AFAP1L2: variants seen among roughly 807,000 people sequenced by gnomAD.
AFAP1L2 encodes the protein actin filament associated protein 1 like 2.
In AFAP1L2, 46 loss-of-function variants were observed where a neutral mutation model predicts 99.3. The ratio of observed to expected loss-of-function variants is 0.46; its 90% CI spans 0.37 to 0.59. AFAP1L2 has a LOEUF of 0.59. Ranked by LOEUF, AFAP1L2 falls within the 20% of genes least tolerant of loss-of-function variation. The pLI is 0.00. For synonymous variants in AFAP1L2, 397 were observed against 419.1 expected (o/e 0.95, Z 0.64); for missense variants, 959 against 1,034.9 (o/e 0.93, Z 1.01).
intron 1 of AFAP1L2, among the ~76,000 whole-genome samples, chr10:114,396,393 T>C (rs1445501784): frequency 2.6e-5 from 4 of 152,254 alleles, no homozygotes; most frequent in African/African-American, 9.6e-5. Context: ...TCTTGGGGAC[T>C]TCCACATCCT....
In AFAP1L2 at chr10:114,294,919, A is replaced by AAAAG. The variant is rs1426420040; in HGVS notation, c.*1119_*1122dup. 4 of 984,448 alleles carry AAAAG rather than the reference A, an allele frequency of 4.1e-6. No homozygotes were observed. Among genetic ancestry groups the AAAAG allele is most frequent in the African/African-American group, 1.7e-5 (1 of 57,274 alleles). The allele number at this position is 984,448 out of a possible 1,614,324, so 61.0% of individuals were successfully genotyped here. A position where few individuals can be genotyped will look rare whatever the true frequency, so the allele number is the denominator to read the frequency against. On this transcript the variant is annotated 3_prime_UTR_variant, in exon 19 of 19. Transcript: ENST00000304129. ...TTTATGAGAGAGGAAATAAGAATAA[A>AAAAG]AAAGACATTTAGTTCTCAGGAACAA...
chr10:114,376,309 T>A (rs183048906), intron 1 of AFAP1L2, among the ~76,000 whole-genome samples: 83 of 152,314 alleles, frequency 5.4e-4, no homozygotes, highest in African/African-American at 2.0e-3. Context: ...GGAAGTGGAA[T>A]AGGGGTGACA....
At chr10:114,291,274 C>T (rs1054517005), downstream of AFAP1L2, 6 of 1,543,084 alleles carry the variant, frequency 3.9e-6, no homozygotes, top group Middle Eastern at 1.7e-4. Context: ...AGCAGCCGTA[C>T]CCCTCCCAGC....
At chr10:114,382,330 T>C (rs1003962775) in intron 1 of AFAP1L2, among the ~76,000 whole-genome samples, 1 of 151,762 alleles carries the variant, frequency 6.6e-6, no homozygotes. Flanking sequence ...AGCATATCTA[T>C]CAGGAATGAG....
chr10:114,304,729 G>A lies in AFAP1L2; in HGVS notation c.1274C>T (p.Ala425Val), dbSNP rs757026979. ...GCAGGCCGGCGGTACCTCAAGCTTG[G>A]CCAGCTCCTCGCCCTTGTGGAGGAT... ...FRILHKGEEL[A>V]KLEAKSSEEM... Residue 425 changes from alanine to valine, a missense_variant, in exon 11 of 19, where the codon GCC becomes GTC. This residue lies in a region of AFAP1L2 where 576 missense variants were observed against 562.1 expected (regional missense o/e 1.02). Transcript: ENST00000304129. 3.7e-6 allele frequency: 6 copies of A among 1,604,914 alleles called. No homozygotes were observed. In the South Asian group the frequency reaches 5.5e-5, roughly 15 times the overall value.
At chr10:114,383,720 A>C (rs1281995610) in intron 1 of AFAP1L2, among the ~76,000 whole-genome samples, 1 of 152,198 alleles carries the variant, frequency 6.6e-6, no homozygotes, top group Non-Finnish European at 1.5e-5. Flanking sequence ...GAAGAGGAGA[A>C]AGGAAAACTA....
At chr10:114,398,835 A>T (rs1315039680) in intron 1 of AFAP1L2, 4 of 1,304,320 alleles carry the variant, frequency 3.1e-6, no homozygotes, top group Non-Finnish European at 4.0e-6. Flanking sequence ...GAGGGCACAG[A>T]CAGGCTCATA....
chr10:114,311,960 A>G (rs2043311418), intron 7 of AFAP1L2, among the ~76,000 whole-genome samples: 1 of 152,204 alleles, frequency 6.6e-6, no homozygotes, highest in Admixed American at 6.5e-5. Context: ...GCCAAAGCGC[A>G]AGAGTGGGCG....
At chr10:114,323,139 C>T (rs367767835) in intron 5 of AFAP1L2, 32 bp downstream of exon 5, 125 of 1,551,988 alleles carry the variant, frequency 8.1e-5, no homozygotes, top group Non-Finnish European at 1.1e-4. Flanking sequence ...AGCAGTAAGT[C>T]ACCCTCCCAA....
At position 114,369,594 on chromosome 10, in the gene AFAP1L2, C is replaced by CAA. The variant is rs34904418; in HGVS notation, c.17-28865_17-28864dup. 3.5e-3 allele frequency among the ~76,000 whole-genome samples: 257 copies of CAA among 74,476 alleles called. 6 individuals are homozygous for CAA. Among genetic ancestry groups the CAA allele is most frequent in the African/African-American group, 0.012 (223 of 18,350 alleles). 48.9% of individuals were successfully genotyped at this position (74,476 alleles called of 152,430 possible). A position where few individuals can be genotyped will look rare whatever the true frequency, so the allele number is the denominator to read the frequency against. ...TGGGCCACAGAGCGAGACTCCGACT[C>CAA]AAAAAAAAAAAAAAAAAAAAACTTT... On this transcript the variant is annotated intron_variant, in intron 1 of 18. Transcript: ENST00000304129.
intron 13 of AFAP1L2, 144 bp from the exon 14 acceptor site, chr10:114,300,834 T>C: frequency 8.7e-7 from 1 of 1,149,888 alleles, no homozygotes; most frequent in Non-Finnish European, 1.2e-6. Flanking sequence ...GGCCACTGGC[T>C]GAGTCCTAGA....
chr10:114,364,378 G>T (rs962486026), intron 1 of AFAP1L2, among the ~76,000 whole-genome samples: 1 of 152,158 alleles, frequency 6.6e-6, no homozygotes, highest in African/African-American at 2.4e-5. Context: ...AGGTTGACAG[G>T]GTCCCACTCC....
At chr10:114,402,855 A>G (rs1391355442) in intron 1 of AFAP1L2, among the ~76,000 whole-genome samples, 1 of 151,926 alleles carries the variant, frequency 6.6e-6, no homozygotes. Flanking sequence ...CCCCACCCCC[A>G]TACACACACC....
intron 1 of AFAP1L2, among the ~76,000 whole-genome samples, chr10:114,394,290 G>T (rs768708369): frequency 2.0e-5 from 3 of 152,176 alleles, no homozygotes; most frequent in Admixed American, 6.5e-5. Flanking sequence ...TTCCATTGAG[G>T]CCTGCACTTC....
At position 114,338,950 on chromosome 10, in the gene AFAP1L2, A is replaced by G. The variant is rs146145440; in HGVS notation, c.145+1653T>C. Among the ~76,000 whole-genome samples, 100 of 152,346 alleles carry G rather than the reference A, an allele frequency of 6.6e-4. 3 individuals carry two copies. The East Asian group carries it at 0.019, about 29-fold the overall frequency. ...GTTCTGTAATTTACAAAGTCTTCCA[A>G]CTATGTTTTCCCTTGGGTTGTATAA... is the stretch of plus-strand genomic sequence containing the variant. On this transcript the variant is annotated intron_variant, in intron 2 of 18. Coordinates refer to ENST00000304129, the MANE Select transcript of AFAP1L2 (RefSeq NM_001001936.3).
chr10:114,376,931 G>A (rs1426431046), intron 1 of AFAP1L2, among the ~76,000 whole-genome samples: 4 of 152,164 alleles, frequency 2.6e-5, no homozygotes, highest in African/African-American at 9.7e-5. Flanking sequence ...CATGAGCTAG[G>A]AGGGATAGGA....
At chr10:114,389,280 T>A (rs2056864692) in intron 1 of AFAP1L2, among the ~76,000 whole-genome samples, 1 of 152,100 alleles carries the variant, frequency 6.6e-6, no homozygotes, top group African/African-American at 2.4e-5. Context: ...AGAAAGCAAC[T>A]ATTATTTCAA....
intron 1 of AFAP1L2, among the ~76,000 whole-genome samples, chr10:114,371,638 C>T (rs754766967): frequency 2.7e-5 from 4 of 149,672 alleles, no homozygotes; most frequent in Admixed American, 1.3e-4. Context: ...AGGGAGGGAA[C>T]ATTACACACT....
rs1166984969 is a variant in AFAP1L2 at position 114,312,820 on chromosome 10, A to G, written c.792+1051T>C. Among the ~76,000 whole-genome samples the G allele has an allele frequency of 3.3e-5, 5 of 152,130 alleles. No individual in the cohort carries two copies. In the East Asian group the frequency reaches 9.6e-4, roughly 29 times the overall value. On this transcript the variant is annotated intron_variant, in intron 7 of 18. Transcript: ENST00000304129. ...GTCTTTCACCACTTGAAGATTTTGCAATAAAGATGGGGATACCTGTCAGCA... is the reference window on the plus strand; with the variant it reads ...GTCTTTCACCACTTGAAGATTTTGCGATAAAGATGGGGATACCTGTCAGCA...
Sources: allele counts gnomAD v4.1 joint callset (sites outside exome capture counted in the v4.1 genomes callset), GRCh38; gene constraint gnomAD v4.1.1; regional missense constraint gnomAD v4.1.1; transcripts MANE v1.5; gene names NCBI Gene and HGNC (gene_info 2026-07-23, HGNC 2026-07-21).